The following KCNK10 variants were observed in gnomAD, a reference collection of about 807,000 sequenced individuals.
The protein encoded by KCNK10 is potassium channel subfamily K member 10.
In KCNK10, 25 loss-of-function variants were observed where a neutral mutation model predicts 47.7. The observed-to-expected ratio is 0.52, with a 90% CI of 0.38 to 0.73. KCNK10 has a LOEUF of 0.73. Ranked by LOEUF, KCNK10 falls within the 30% of genes least tolerant of loss-of-function variation. KCNK10 has a pLI of 0.00. For synonymous variants in KCNK10, 303 were observed against 285.6 expected (o/e 1.06, Z -0.61); for missense variants, 563 against 714.5 (o/e 0.79, Z 2.42).
chr14:88,242,638 TC>T (rs1566699343), intron 2 of KCNK10, among the ~76,000 whole-genome samples: 1 of 152,192 alleles, frequency 6.6e-6, no homozygotes, highest in African/African-American at 2.4e-5. Flanking sequence ...GTACAGACTG[TC>T]TTTGCATAAA....
At chr14:88,205,285 G>A (rs1033789810) in intron 4 of KCNK10, among the ~76,000 whole-genome samples, 21 of 152,012 alleles carry the variant, frequency 1.4e-4, no homozygotes, top group African/African-American at 1.9e-4. Flanking sequence ...AAGGTTCTTC[G>A]CCCTTTTTAA....
chr14:88,301,937 T>C lies in KCNK10; in HGVS notation c.52+20810A>G, dbSNP rs950871835. ...TGTGGCTGTTCCACGGAGGATCAAT[T>C]ATTGGGAGCAAGGGTAGAAGAAAGG... is the stretch of plus-strand genomic sequence containing the variant. On this transcript the variant is annotated intron_variant, in intron 1 of 6. Coordinates refer to ENST00000319231, the MANE Select transcript of KCNK10 (RefSeq NM_138317.3). Among the ~76,000 whole-genome samples the C allele has an allele frequency of 3.3e-5, 5 of 152,102 alleles. 1 individual carries two copies. The highest frequency in any genetic ancestry group is 2.6e-4 in the Admixed American group (4 of 15,264).
chr14:88,309,589 A>G (rs1888270018), intron 1 of KCNK10, among the ~76,000 whole-genome samples: 1 of 152,226 alleles, frequency 6.6e-6, no homozygotes, highest in African/African-American at 2.4e-5. Context: ...GCGACAAATC[A>G]AGATCTTGTC....
At chr14:88,208,472 G>C (rs932892988) in intron 4 of KCNK10, among the ~76,000 whole-genome samples, 1 of 152,154 alleles carries the variant, frequency 6.6e-6, no homozygotes, top group African/African-American at 2.4e-5. Context: ...AAAGGGCTCA[G>C]GACAATTGAG....
intron 4 of KCNK10, among the ~76,000 whole-genome samples, chr14:88,211,260 A>T (rs1015668156): frequency 6.6e-6 from 1 of 152,240 alleles, no homozygotes; most frequent in Non-Finnish European, 1.5e-5. Context: ...ACACAAAAGG[A>T]CAAACACTAT....
At chr14:88,293,854 A>G (rs913374930) in intron 1 of KCNK10, among the ~76,000 whole-genome samples, 1 of 151,638 alleles carries the variant, frequency 6.6e-6, no homozygotes, top group Non-Finnish European at 1.5e-5. Flanking sequence ...TTAAAAATAA[A>G]TTTTTTTAGA....
chr14:88,254,023 G>T (rs541166510), intron 2 of KCNK10, among the ~76,000 whole-genome samples: 1 of 152,238 alleles, frequency 6.6e-6, no homozygotes, highest in African/African-American at 2.4e-5. Context: ...AGACAAAGCA[G>T]GTGGGAAGAG....
At chr14:88,242,704 T>C (rs1478798315) in intron 2 of KCNK10, among the ~76,000 whole-genome samples, 1 of 152,242 alleles carries the variant, frequency 6.6e-6, no homozygotes, top group East Asian at 1.9e-4. Context: ...TGCTCTGCTC[T>C]AGAGGGCAGA....
intron 2 of KCNK10, among the ~76,000 whole-genome samples, chr14:88,255,252 A>G (rs1469242086): frequency 6.6e-6 from 1 of 152,210 alleles, no homozygotes; most frequent in Non-Finnish European, 1.5e-5. Flanking sequence ...AGTAAGCAGT[A>G]TGGCACAAGG....
chr14:88,199,987 T>C (rs1353757144), intron 4 of KCNK10, among the ~76,000 whole-genome samples: 1 of 151,566 alleles, frequency 6.6e-6, no homozygotes, highest in Admixed American at 6.6e-5. Context: ...CTTTCTTTCT[T>C]TTTCTTTCTT....
Position 88,185,315 on chromosome 14 carries a change from T to C in KCNK10, c.*220A>G. Reference sequence around the variant, plus strand: ...GAACCGGCTACGTGCACGGACACTCTTGGTGTGTCCTGCGTTTGCTATCTG... The same window carrying C: ...GAACCGGCTACGTGCACGGACACTCCTGGTGTGTCCTGCGTTTGCTATCTG... On this transcript the variant is annotated 3_prime_UTR_variant, in exon 7 of 7. Transcript: ENST00000319231. This position sits in a 1 kb window ranked among gnomAD's most constrained non-coding sequence, Gnocchi z 4.3. 2 of 626,456 alleles carry C rather than the reference T, an allele frequency of 3.2e-6. No individual in the cohort carries two copies. The highest frequency in any genetic ancestry group is 5.3e-6 in the Non-Finnish European group (2 of 378,692). 38.8% of individuals were successfully genotyped at this position (626,456 alleles called of 1,614,324 possible).
At chr14:88,311,249 AT>A (rs1888322737) in intron 1 of KCNK10, among the ~76,000 whole-genome samples, 1 of 152,188 alleles carries the variant, frequency 6.6e-6, no homozygotes, top group East Asian at 1.9e-4. Flanking sequence ...CCATCATTTG[AT>A]TTATTAGCGA....
chr14:88,318,326 G>A (rs2139806599), intron 1 of KCNK10, among the ~76,000 whole-genome samples: 1 of 152,358 alleles, frequency 6.6e-6, no homozygotes, highest in South Asian at 2.1e-4. Flanking sequence ...CCAGGGCACT[G>A]GGGTTATGGC....
At chr14:88,234,158 A>G (rs1886231458) in intron 3 of KCNK10, among the ~76,000 whole-genome samples, 1 of 152,204 alleles carries the variant, frequency 6.6e-6, no homozygotes, top group Non-Finnish European at 1.5e-5. Flanking sequence ...AAATGGTGTC[A>G]GGCCACCCAG....
chr14:88,209,155 G>A (rs1034996682), intron 4 of KCNK10, among the ~76,000 whole-genome samples: 1 of 152,162 alleles, frequency 6.6e-6, no homozygotes, highest in South Asian at 2.1e-4. Context: ...GGTATTTGAA[G>A]GGCCAGGCTT....
chr14:88,227,713 T>A (rs1886032675), intron 3 of KCNK10, among the ~76,000 whole-genome samples, 178 bp from the exon 4 acceptor site: 2 of 152,232 alleles, frequency 1.3e-5, no homozygotes, highest in South Asian at 2.1e-4. Flanking sequence ...CTCTTCCTTC[T>A]CCCCTTATAA....
intron 4 of KCNK10, among the ~76,000 whole-genome samples, chr14:88,216,294 A>G (rs974912688): frequency 1.3e-5 from 2 of 152,102 alleles, no homozygotes; most frequent in African/African-American, 4.8e-5. Flanking sequence ...TGGACAGGGG[A>G]CCAGGGCATG....
chr14:88,258,396 C>T (rs1887017765), intron 2 of KCNK10, among the ~76,000 whole-genome samples: 1 of 151,374 alleles, frequency 6.6e-6, no homozygotes, highest in Non-Finnish European at 1.5e-5. Context: ...GTTCAAGCAA[C>T]TCTCCTGCCT....
chr14:88,191,271 A>G (rs966348321), intron 5 of KCNK10, among the ~76,000 whole-genome samples: 1 of 141,852 alleles, frequency 7.0e-6, no homozygotes, highest in Non-Finnish European at 1.6e-5. Flanking sequence ...AAACAAAAAC[A>G]AAAACAAAAA....
Sources: gnomAD v4.1 joint callset for allele counts (sites outside exome capture counted in the v4.1 genomes callset) on GRCh38, gnomAD v4.1.1 for gene constraint, Gnocchi (gnomAD v3.1) non-coding constraint, MANE v1.5 for transcripts, NCBI Gene and HGNC (gene_info 2026-07-23, HGNC 2026-07-21) for gene names.